The following DOK5 variants were observed in gnomAD, a reference collection of about 807,000 sequenced individuals.
The protein encoded by DOK5 is downstream of tyrosine kinase 5.
Under a neutral mutation model 43.3 loss-of-function variants are expected in DOK5, and 27 were observed. That is an observed-to-expected ratio of 0.62 (90% CI 0.46 to 0.86). The LOEUF is 0.86. DOK5 is among the 40% of genes least tolerant of loss of function. The pLI is 0.00. For synonymous variants in DOK5, 146 were observed against 140.1 expected, an observed-to-expected ratio of 1.04 and a Z score of -0.30; for missense variants, 373 against 392.9, an observed-to-expected ratio of 0.95 and a Z score of 0.43.
At chr20:54,553,072 C>T (rs1460044317) in intron 1 of DOK5, among the ~76,000 whole-genome samples, 1 of 152,152 alleles carries the variant, frequency 6.6e-6, no homozygotes, top group Non-Finnish European at 1.5e-5. Context: ...ATATACAAAA[C>T]CACATATATA....
chr20:54,568,835 C>A (rs1037979970), intron 2 of DOK5, among the ~76,000 whole-genome samples: 1 of 151,964 alleles, frequency 6.6e-6, no homozygotes, highest in Non-Finnish European at 1.5e-5. Flanking sequence ...GAGGCTGAGG[C>A]AGGAGAATGG....
chr20:54,508,888 A>T (rs1368223713), intron 1 of DOK5, among the ~76,000 whole-genome samples: 4 of 150,386 alleles, frequency 2.7e-5, no homozygotes, highest in Non-Finnish European at 5.9e-5. Flanking sequence ...CTATTTATTT[A>T]TTTTTTTAGA....
At chr20:54,569,011 A>G (rs991328573) in intron 2 of DOK5, among the ~76,000 whole-genome samples, 1 of 146,990 alleles carries the variant, frequency 6.8e-6, no homozygotes, top group South Asian at 2.2e-4. Context: ...AAAAATTCTG[A>G]TGTTGGACCC....
intron 1 of DOK5, among the ~76,000 whole-genome samples, chr20:54,514,516 G>A (rs79793318): frequency 0.022 from 3,213 of 147,726 alleles, 109 homozygotes; most frequent in African/African-American, 0.077. Context: ...GGAACTTCAA[G>A]TTATTTTAAT....
chr20:54,545,594 A>G (rs759209727), intron 1 of DOK5, among the ~76,000 whole-genome samples: 17 of 152,254 alleles, frequency 1.1e-4, no homozygotes, highest in Admixed American at 3.3e-4. Context: ...GAGAAGTTGT[A>G]TGAGATAACA....
chr20:54,610,944 G>C (rs1389382350), intron 6 of DOK5, among the ~76,000 whole-genome samples: 2 of 152,174 alleles, frequency 1.3e-5, no homozygotes, highest in Non-Finnish European at 2.9e-5. Flanking sequence ...CCAGACAACT[G>C]TTGACATGAG....
chr20:54,650,573 A>G lies in DOK5; in HGVS notation c.*94A>G. 10 of 1,205,592 alleles carry G rather than the reference A, an allele frequency of 8.3e-6. No homozygotes were observed. Among genetic ancestry groups the G allele is most frequent in the East Asian group, 2.4e-5 (1 of 42,008 alleles). 74.7% of individuals were successfully genotyped at this position (1,205,592 alleles called of 1,614,324 possible). On this transcript the variant is annotated 3_prime_UTR_variant, in exon 8 of 8. Transcript: ENST00000262593. ...AATGACAGCAAGGGAAATGACGACC[A>G]AGAGAAGAAGCTTAAAGTCCTGGCT...
chr20:54,503,714 A>C (rs1195854280), intron 1 of DOK5, among the ~76,000 whole-genome samples: 1 of 152,196 alleles, frequency 6.6e-6, no homozygotes, highest in Non-Finnish European at 1.5e-5. Flanking sequence ...ATATTTAATT[A>C]GAGGTTTGGT....
rs138945542 is a variant in DOK5 at position 54,480,175 on chromosome 20, C to T, written c.66+4163C>T. Among the ~76,000 whole-genome samples the T allele has an allele frequency of 3.3e-5, 5 of 152,316 alleles. No individual in the cohort carries two copies. The East Asian group carries it at 9.6e-4, about 29-fold the overall frequency. The stretch of plus-strand genomic sequence containing the variant: ...GTCAGAGGCGTGTGAACCAGAGCAA[C>T]TCCATCTTGAATAGGAGCTGGGTAA... On this transcript the variant is annotated intron_variant, in intron 1 of 7. Transcript: ENST00000262593.
intron 5 of DOK5, among the ~76,000 whole-genome samples, chr20:54,604,157 AG>A (rs1600729408): frequency 1.3e-5 from 2 of 151,888 alleles, no homozygotes; most frequent in South Asian, 4.2e-4. Context: ...CGTGTTAGCC[AG>A]GATGGTCTCG....
At chr20:54,553,693 G>C (rs1224127332) in intron 1 of DOK5, among the ~76,000 whole-genome samples, 1 of 150,642 alleles carries the variant, frequency 6.6e-6, no homozygotes, top group Non-Finnish European at 1.5e-5. Context: ...TGAGGAGTTT[G>C]AGTCCAGCCT....
intron 2 of DOK5, among the ~76,000 whole-genome samples, chr20:54,566,087 A>C (rs1985088539): frequency 6.7e-6 from 1 of 149,472 alleles, no homozygotes; most frequent in Admixed American, 6.7e-5. Flanking sequence ...TCATAATCAC[A>C]TCCTCCAGTC....
intron 1 of DOK5, among the ~76,000 whole-genome samples, chr20:54,522,408 T>C (rs1983434323): frequency 6.6e-6 from 1 of 152,124 alleles, no homozygotes; most frequent in Non-Finnish European, 1.5e-5. Flanking sequence ...AATGCAATAC[T>C]TCATGGAGGA....
chr20:54,488,803 T>TTCCA (rs1982049790), intron 1 of DOK5, among the ~76,000 whole-genome samples: 2 of 117,238 alleles, frequency 1.7e-5, no homozygotes, highest in Non-Finnish European at 3.3e-5. Context: ...CCTTCCTACC[T>TTCCA]TCCTTCCTTC....
Position 54,560,560 on chromosome 20 carries a change from T to C in DOK5, c.174+5520T>C, listed in dbSNP as rs142288172. Among the ~76,000 whole-genome samples the C allele has an allele frequency of 2.1e-4, 32 of 152,284 alleles. No homozygotes were observed. In the East Asian group the frequency reaches 5.8e-3, roughly 28 times the overall value. ...AAGGAAGTATGAGTCAGTACCAGAG[T>C]GCCAAAGACTCCTGAAACACGTTCA... On this transcript the variant is annotated intron_variant, in intron 2 of 7. Coordinates refer to ENST00000262593, the MANE Select transcript of DOK5 (RefSeq NM_018431.5).
chr20:54,625,382 C>A (rs1054954951), intron 6 of DOK5, among the ~76,000 whole-genome samples: 8 of 152,226 alleles, frequency 5.3e-5, no homozygotes, highest in African/African-American at 1.9e-4. Context: ...CATCTCCTTG[C>A]AGCCTAGACG....
chr20:54,500,804 G>A (rs1020422208), intron 1 of DOK5, among the ~76,000 whole-genome samples: 2 of 151,840 alleles, frequency 1.3e-5, no homozygotes, highest in African/African-American at 2.4e-5. Flanking sequence ...CAGGTGATTC[G>A]CCTGTCTCAG....
intron 1 of DOK5, among the ~76,000 whole-genome samples, chr20:54,497,929 A>G (rs1273316932): frequency 6.6e-6 from 1 of 152,206 alleles, no homozygotes; most frequent in African/African-American, 2.4e-5. Context: ...AGAGACAAGG[A>G]ACAGTGGTTG....
chr20:54,591,869 T>G lies in DOK5; in HGVS notation c.599+64T>G, dbSNP rs532319986. Reference sequence around the variant, plus strand: ...TGTGTGTGTGTGTTCATTTTTACCATGCTCGCATCATATGAGGCGGTAGGT... The same window carrying G: ...TGTGTGTGTGTGTTCATTTTTACCAGGCTCGCATCATATGAGGCGGTAGGT... On this transcript the variant is annotated intron_variant, in intron 5 of 7. Coordinates refer to ENST00000262593, the MANE Select transcript of DOK5 (RefSeq NM_018431.5). The G allele has an allele frequency of 2.1e-5, 30 of 1,448,162 alleles. No individual in the cohort carries two copies. In the South Asian group the frequency reaches 3.5e-4, roughly 17 times the overall value. The allele number at this position is 1,448,162 out of a possible 1,614,324, so 89.7% of individuals were successfully genotyped here.
Sources: allele counts gnomAD v4.1 joint callset (sites outside exome capture counted in the v4.1 genomes callset), GRCh38; gene constraint gnomAD v4.1.1; transcripts MANE v1.5; gene names NCBI Gene and HGNC (gene_info 2026-07-23, HGNC 2026-07-21).